Variants in NUP210 observed in about 807,000 individuals in gnomAD.
The protein encoded by NUP210 is nucleoporin 210.
A neutral mutation model predicts 196.0 loss-of-function variants in NUP210; 151 were observed. The observed-to-expected ratio is 0.77, with a 90% CI of 0.67 to 0.88. The LOEUF is 0.88. Ranked by LOEUF, NUP210 falls within the 40% of genes least tolerant of loss-of-function variation. NUP210 has a pLI of 0.00. For synonymous variants in NUP210, 1,070 were observed against 1,052.7 expected (o/e 1.02, Z -0.32); for missense variants, 2,314 against 2,493.7 (o/e 0.93, Z 1.53).
intron 4 of NUP210, among the ~76,000 whole-genome samples, chr3:13,390,902 G>A (rs1699467855): frequency 6.6e-6 from 1 of 152,218 alleles, no homozygotes; most frequent in Non-Finnish European, 1.5e-5. Flanking sequence ...AGTGCAGCCT[G>A]GGGCCACCCA....
intron 15 of NUP210, 86 bp downstream of exon 15, chr3:13,360,184 C>T: frequency 8.6e-7 from 1 of 1,167,118 alleles, no homozygotes; most frequent in East Asian, 2.5e-5. Flanking sequence ...CAGCGTTACT[C>T]CAAGGAGTAA....
intron 16 of NUP210, chr3:13,354,688 T>C (rs944786870): frequency 2.0e-5 from 3 of 153,288 alleles, no homozygotes; most frequent in Non-Finnish European, 2.9e-5. Flanking sequence ...CCAGAGCTAC[T>C]GGGTTTGTAC....
At chr3:13,319,367 C>T in intron 37 of NUP210, 42 bp from the exon 38 acceptor site, 8 of 1,511,082 alleles carry the variant, frequency 5.3e-6, no homozygotes, top group Non-Finnish European at 6.4e-6. Flanking sequence ...CCACCAGGCC[C>T]ACTGTGGCAT....
At chr3:13,395,417 A>C (rs989682965) in intron 3 of NUP210, among the ~76,000 whole-genome samples, 2 of 152,212 alleles carry the variant, frequency 1.3e-5, no homozygotes, top group Non-Finnish European at 2.9e-5. Flanking sequence ...TCCTGGGCTC[A>C]AGCGATTCTC....
intron 18 of NUP210, among the ~76,000 whole-genome samples, chr3:13,353,205 G>A (rs1266038360): frequency 6.6e-6 from 1 of 152,086 alleles, no homozygotes; most frequent in Non-Finnish European, 1.5e-5. Context: ...TGGCATTTAG[G>A]GACCATGGGA....
chr3:13,400,808 C>T (rs1277205657), intron 1 of NUP210, among the ~76,000 whole-genome samples: 2 of 152,166 alleles, frequency 1.3e-5, no homozygotes, highest in East Asian at 1.9e-4. Context: ...CCGTGCCTGG[C>T]GCTTGTCTCT....
intron 36 of NUP210, 149 bp from the exon 37 acceptor site, chr3:13,320,128 C>CT (rs1184917534): frequency 6.7e-6 from 5 of 743,172 alleles, no homozygotes; most frequent in Non-Finnish European, 1.1e-5. Flanking sequence ...GGCTTCCCTC[C>CT]TGGGGCCCAA....
chr3:13,409,768 C>T (rs1178671016), intron 1 of NUP210, among the ~76,000 whole-genome samples: 3 of 151,868 alleles, frequency 2.0e-5, no homozygotes, highest in Admixed American at 6.6e-5. Flanking sequence ...GTGCTGCCTC[C>T]AGACCAAGCA....
chr3:13,319,688 A>T, intron 37 of NUP210, 75 bp downstream of exon 37: 1 of 1,279,376 alleles, frequency 7.8e-7, no homozygotes, highest in Non-Finnish European at 1.1e-6. Context: ...TCAGGTTTCT[A>T]CTGATAGCCA....
chr3:13,365,871 G>A, intron 14 of NUP210, 75 bp downstream of exon 14: 21 of 1,501,964 alleles, frequency 1.4e-5, no homozygotes, highest in Middle Eastern at 1.7e-4. Flanking sequence ...ATGCAAATTC[G>A]TCAGAGCAAA....
At chr3:13,337,030 C>T (rs1697245044) in intron 26 of NUP210, 112 bp from the exon 27 acceptor site, 5 of 1,324,452 alleles carry the variant, frequency 3.8e-6, no homozygotes, top group South Asian at 1.2e-5. Flanking sequence ...TCCTCCCCAA[C>T]TAGAGAAGAG....
chr3:13,397,682 C>A (rs113905782), intron 2 of NUP210, among the ~76,000 whole-genome samples, 194 bp from the exon 3 acceptor site: 5 of 152,196 alleles, frequency 3.3e-5, no homozygotes, highest in Non-Finnish European at 7.4e-5. Context: ...GCTGTGGGGG[C>A]CTTGTCACCA....
At chr3:13,368,015 T>C (rs1559331573) in intron 13 of NUP210, among the ~76,000 whole-genome samples, 1 of 152,228 alleles carries the variant, frequency 6.6e-6, no homozygotes, top group African/African-American at 2.4e-5. Context: ...CCCAAAGTGG[T>C]TGTGTCAATT....
Position 13,317,114 on chromosome 3 carries a change from C to CTG in NUP210, c.*565_*566dup, listed in dbSNP as rs554455596. On this transcript the variant is annotated 3_prime_UTR_variant, in exon 40 of 40. Coordinates refer to ENST00000254508, the MANE Select transcript of NUP210 (RefSeq NM_024923.4). ...GCTTGGCTATCCTGGCCTCCAGGTG[C>CTG]TGGTTCCTGAGGCTTCCCTTGCGGC... The CTG allele has an allele frequency of 6.5e-6, 1 of 154,008 alleles. No individual in the cohort carries two copies. Among genetic ancestry groups the CTG allele is most frequent in the East Asian group, 1.9e-4 (1 of 5,176 alleles). The allele number at this position is 154,008 out of a possible 1,614,324, so 9.5% of individuals were successfully genotyped here.
In NUP210 at chr3:13,386,332, T is replaced by C; in HGVS notation, c.760A>G (p.Met254Val). ...TTGTAGTGAATGGAGGTTCCCACCA[T>C]CAGGTAGACGTCATAGGCCGGGTTC... ...LLNPAYDVYL[M>V]VGTSIHYKVQ... The change falls in exon 6 of 40, where the codon ATG (methionine) becomes GTG (valine). Residue 254 changes from methionine (M) to valine (V), a missense_variant. Transcript: ENST00000254508. 1 of 1,614,176 alleles carries C rather than the reference T, an allele frequency of 6.2e-7. No homozygotes were observed. The highest frequency in any genetic ancestry group is 8.5e-7 in the Non-Finnish European group (1 of 1,180,032).
At chr3:13,415,922 G>C (rs1355611277) in intron 1 of NUP210, among the ~76,000 whole-genome samples, 2 of 152,246 alleles carry the variant, frequency 1.3e-5, no homozygotes, top group East Asian at 3.9e-4. Flanking sequence ...CCCCTGCTGG[G>C]GCAGGGAGAG....
chr3:13,352,755 T>C (rs1698022826), intron 18 of NUP210, among the ~76,000 whole-genome samples: 2 of 151,960 alleles, frequency 1.3e-5, no homozygotes, highest in Non-Finnish European at 2.9e-5. Flanking sequence ...GTGCAGCAAC[T>C]GCCGGCAGGG....
Position 13,353,963 on chromosome 3 carries a change from T to A in NUP210, c.2473A>T (p.Met825Leu). The A allele has an allele frequency of 6.2e-7, 1 of 1,610,482 alleles. No individual in the cohort carries two copies. The highest frequency in any genetic ancestry group is 8.5e-7 in the Non-Finnish European group (1 of 1,178,396). Residue 825 changes from methionine (M) to leucine (L), a missense_variant, in exon 17 of 40, where the codon ATG becomes TTG. Physicochemically the swap from Met to Leu is conservative, Grantham distance 15. Transcript: ENST00000254508. Reference sequence around the variant, plus strand: ...TCATCGTCCTGGGACACCAGCTGCATGGGCAGCTCAGGCTCGATGCTGGCC... The same window carrying A: ...TCATCGTCCTGGGACACCAGCTGCAAGGGCAGCTCAGGCTCGATGCTGGCC... ...VLASIEPELP[M>L]QLVSQDDESG...
At chr3:13,335,704 G>GC (rs566017829) in intron 27 of NUP210, 92 bp from the exon 28 acceptor site, 2 of 1,408,942 alleles carry the variant, frequency 1.4e-6, no homozygotes, top group Non-Finnish European at 2.0e-6. Context: ...AGACCCCCCA[G>GC]CCCCCCAGTC....
Sources: gnomAD v4.1 joint callset for allele counts (sites outside exome capture counted in the v4.1 genomes callset) on GRCh38, gnomAD v4.1.1 for gene constraint, MANE v1.5 for transcripts, NCBI Gene and HGNC (gene_info 2026-07-23, HGNC 2026-07-21) for gene names.